Variants in PDSS2 observed in about 807,000 individuals in gnomAD.
The protein encoded by PDSS2 is decaprenyl diphosphate synthase subunit 2.
PDSS2 carries 31 observed loss-of-function variants against 44.5 expected under a neutral mutation model. The observed-to-expected ratio is 0.70, with a 90% CI of 0.52 to 0.94. The LOEUF (loss-of-function observed/expected upper bound fraction) is 0.94. Ranked by LOEUF, PDSS2 falls within the 40% of genes least tolerant of loss-of-function variation. The pLI, the probability that PDSS2 is intolerant of heterozygous loss-of-function variation, is 0.00. For missense variants in PDSS2, 452 were observed against 482.2 expected (o/e 0.94, Z 0.59); for synonymous variants, 157 against 180.3 (o/e 0.87, Z 1.03).
chr6:107,406,271 G>A (rs1780317607), intron 1 of PDSS2, among the ~76,000 whole-genome samples: 1 of 152,086 alleles, frequency 6.6e-6, no homozygotes, highest in African/African-American at 2.4e-5. Flanking sequence ...ATTGAAATTG[G>A]TTCCAAATGT....
chr6:107,404,179 C>G (rs967983127), intron 1 of PDSS2, among the ~76,000 whole-genome samples: 3 of 152,182 alleles, frequency 2.0e-5, no homozygotes, highest in Non-Finnish European at 4.4e-5. Context: ...CAAGAGTCAC[C>G]TTCGGTCCAG....
intron 7 of PDSS2, among the ~76,000 whole-genome samples, chr6:107,162,595 G>A (rs1216096346): frequency 9.2e-6 from 1 of 108,958 alleles, no homozygotes; most frequent in Non-Finnish European, 1.9e-5. Flanking sequence ...TTTTTATTTT[G>A]TCAAGAATTC....
intron 7 of PDSS2, among the ~76,000 whole-genome samples, chr6:107,183,997 CT>C (rs1772077565): frequency 7.6e-6 from 1 of 132,356 alleles, no homozygotes; most frequent in Non-Finnish European, 1.6e-5. Context: ...TAAACTCTGT[CT>C]CAAAACAAAA....
intron 1 of PDSS2, among the ~76,000 whole-genome samples, chr6:107,399,001 C>A (rs1023770823): frequency 2.0e-5 from 3 of 152,094 alleles, no homozygotes; most frequent in Admixed American, 2.0e-4. Context: ...CACTATCTAC[C>A]ACATATTATC....
At chr6:107,371,869 G>A (rs1415259985) in intron 1 of PDSS2, among the ~76,000 whole-genome samples, 4 of 152,162 alleles carry the variant, frequency 2.6e-5, no homozygotes, top group African/African-American at 9.7e-5. Flanking sequence ...CATGTGCTAG[G>A]AATATGTATT....
At chr6:107,290,472 A>G (rs1776306547) in intron 2 of PDSS2, among the ~76,000 whole-genome samples, 1 of 152,196 alleles carries the variant, frequency 6.6e-6, no homozygotes. Context: ...TACTTTGGTA[A>G]AAGCCAGTCC....
intron 1 of PDSS2, among the ~76,000 whole-genome samples, chr6:107,359,258 T>C (rs1421421357): frequency 6.7e-6 from 1 of 150,270 alleles, no homozygotes; most frequent in Non-Finnish European, 1.5e-5. Context: ...GTGATTCACC[T>C]GCCTCAGCCT....
At chr6:107,384,892 C>T (rs545909740) in intron 1 of PDSS2, among the ~76,000 whole-genome samples, 2 of 152,184 alleles carry the variant, frequency 1.3e-5, no homozygotes, top group Admixed American at 6.5e-5. Context: ...TTATATAGGT[C>T]TGAAAGTTAA....
chr6:107,402,569 G>A (rs1775505186), intron 1 of PDSS2, among the ~76,000 whole-genome samples: 2 of 86,812 alleles, frequency 2.3e-5, no homozygotes, highest in South Asian at 3.8e-4. Context: ...ATATATACAT[G>A]TGTATATATA....
intron 1 of PDSS2, among the ~76,000 whole-genome samples, chr6:107,358,370 T>C (rs1778654767): frequency 6.6e-6 from 1 of 152,216 alleles, no homozygotes. Context: ...AAGTATGTTC[T>C]GAAAATTAAA....
chr6:107,214,197 G>A (rs997143072), intron 4 of PDSS2, among the ~76,000 whole-genome samples: 3 of 151,016 alleles, frequency 2.0e-5, no homozygotes, highest in South Asian at 4.2e-4. Context: ...TCTGCCTCCC[G>A]GGTTCACTCC....
intron 1 of PDSS2, among the ~76,000 whole-genome samples, chr6:107,342,069 C>T (rs1490173422): frequency 6.6e-6 from 1 of 151,854 alleles, no homozygotes; most frequent in Non-Finnish European, 1.5e-5. Flanking sequence ...TGCTTTGAGG[C>T]CTTGGTATTT....
intron 1 of PDSS2, among the ~76,000 whole-genome samples, chr6:107,395,342 T>C (rs1779908144): frequency 6.6e-6 from 1 of 152,154 alleles, no homozygotes; most frequent in Non-Finnish European, 1.5e-5. Context: ...TTCCATCACA[T>C]ATGAAAATTT....
intron 1 of PDSS2, among the ~76,000 whole-genome samples, chr6:107,346,395 A>C (rs1778249814): frequency 6.6e-6 from 1 of 152,254 alleles, no homozygotes; most frequent in Non-Finnish European, 1.5e-5. Flanking sequence ...TTTGTTGATC[A>C]GGATACTGAG....
chr6:107,316,132 T>C (rs911492792), intron 2 of PDSS2, among the ~76,000 whole-genome samples: 11 of 152,354 alleles, frequency 7.2e-5, no homozygotes, highest in African/African-American at 2.4e-4. Flanking sequence ...ATTATCCATT[T>C]AATGTTAACT....
intron 1 of PDSS2, among the ~76,000 whole-genome samples, chr6:107,439,759 T>C (rs1781460865): frequency 6.6e-6 from 1 of 152,202 alleles, no homozygotes; most frequent in Non-Finnish European, 1.5e-5. Context: ...ATTTCTGGCA[T>C]GTCCAATAGA....
intron 7 of PDSS2, among the ~76,000 whole-genome samples, chr6:107,155,643 A>C (rs1554245462): frequency 6.8e-6 from 1 of 147,256 alleles, no homozygotes; most frequent in African/African-American, 2.5e-5. Flanking sequence ...GCAGTGGCAC[A>C]ATCTCTGCTC....
intron 1 of PDSS2, among the ~76,000 whole-genome samples, chr6:107,440,701 A>G (rs951810982): frequency 1.3e-5 from 2 of 152,260 alleles, no homozygotes; most frequent in Non-Finnish European, 2.9e-5. Flanking sequence ...TCATCATGCC[A>G]GAAAAAGCAA....
At chr6:107,373,218 C>G (rs1025946126) in intron 1 of PDSS2, among the ~76,000 whole-genome samples, 2 of 151,960 alleles carry the variant, frequency 1.3e-5, no homozygotes, top group African/African-American at 4.8e-5. Flanking sequence ...ATCTCTTGAC[C>G]TCATGATCCG....
Sources: allele counts gnomAD v4.1 joint callset (sites outside exome capture counted in the v4.1 genomes callset), GRCh38; gene constraint gnomAD v4.1.1; transcripts MANE v1.5; gene names NCBI Gene and HGNC (gene_info 2026-07-23, HGNC 2026-07-21).